The following RIN2 variants were observed in gnomAD, a reference collection of about 807,000 sequenced individuals.
RIN2 encodes the protein RAB5 interacting protein 2.
A neutral mutation model predicts 78.0 loss-of-function variants in RIN2; 36 were observed. That is an observed-to-expected ratio of 0.46 (90% CI 0.35 to 0.61). The LOEUF is 0.61. RIN2 is among the 20% of genes least tolerant of loss of function. The pLI is 0.00. For synonymous variants in RIN2, 466 were observed against 466.8 expected (o/e 1.00, Z 0.02); for missense variants, 1,087 against 1,159.7 (o/e 0.94, Z 0.91).
Position 19,902,339 on chromosome 20 carries a change from C to T in RIN2, c.57+12681C>T, listed in dbSNP as rs2039024982. 2.0e-5 allele frequency among the ~76,000 whole-genome samples: 3 copies of T among 152,130 alleles called. No homozygotes were observed. The South Asian group carries it at 6.2e-4, about 31-fold the overall frequency. ...ATGAGACTCAGGCAGTCTCTCCTCC[C>T]ACCACCTTCCATGGAGTGCTCCCTG... On this transcript the variant is annotated intron_variant, in intron 3 of 12. Coordinates refer to ENST00000255006, the MANE Select transcript of RIN2 (RefSeq NM_018993.4).
chr20:19,760,175 G>C (rs918371450), intron 1 of RIN2, among the ~76,000 whole-genome samples: 3 of 152,234 alleles, frequency 2.0e-5, no homozygotes, highest in Non-Finnish European at 4.4e-5. Flanking sequence ...CCTCCAGAGA[G>C]AGCATCACAG....
chr20:19,778,311 CAGA>C (rs1693680581), intron 1 of RIN2, among the ~76,000 whole-genome samples: 1 of 152,206 alleles, frequency 6.6e-6, no homozygotes, highest in African/African-American at 2.4e-5. Context: ...CCCAATTTTA[CAGA>C]AGGAGACACT....
At chr20:19,880,172 A>G (rs966291335) in intron 2 of RIN2, among the ~76,000 whole-genome samples, 1 of 151,456 alleles carries the variant, frequency 6.6e-6, no homozygotes, top group Non-Finnish European at 1.5e-5. Flanking sequence ...CAATTGATGA[A>G]CCAGGAAGGT....
At chr20:19,969,249 G>A (rs1052605553) in intron 7 of RIN2, among the ~76,000 whole-genome samples, 17 of 152,112 alleles carry the variant, frequency 1.1e-4, no homozygotes, top group Admixed American at 2.0e-4. Flanking sequence ...CATTATTCTC[G>A]TCAGTGGAAA....
chr20:19,959,291 C>A (rs2041660950), intron 5 of RIN2, among the ~76,000 whole-genome samples: 1 of 150,978 alleles, frequency 6.6e-6, no homozygotes, highest in Non-Finnish European at 1.5e-5. Flanking sequence ...GTTGCACTCC[C>A]CAACCCCAAG....
intron 10 of RIN2, 87 bp downstream of exon 10, chr20:19,990,398 A>G (rs2042762864): frequency 2.3e-6 from 3 of 1,294,090 alleles, no homozygotes; most frequent in Non-Finnish European, 2.1e-6. Flanking sequence ...CTGATTCCCA[A>G]TTTCTCCTCC....
chr20:19,882,711 C>T (rs1384020439), intron 2 of RIN2, among the ~76,000 whole-genome samples: 1 of 152,078 alleles, frequency 6.6e-6, no homozygotes, highest in African/African-American at 2.4e-5. Context: ...TGGAGCTTTT[C>T]GAGTGAGGAG....
chr20:19,877,983 G>T (rs890166479), intron 2 of RIN2, among the ~76,000 whole-genome samples: 3 of 152,180 alleles, frequency 2.0e-5, no homozygotes, highest in Non-Finnish European at 2.9e-5. Flanking sequence ...TTATGCCAGT[G>T]CATTCTAGTC....
intron 3 of RIN2, among the ~76,000 whole-genome samples, chr20:19,900,456 C>T (rs1367014284): frequency 1.3e-5 from 2 of 151,720 alleles, no homozygotes; most frequent in Non-Finnish European, 2.9e-5. Flanking sequence ...GCACTCCAGC[C>T]TGGGCAACAG....
chr20:19,850,161 T>C (rs1269918338), intron 2 of RIN2, among the ~76,000 whole-genome samples: 1 of 152,214 alleles, frequency 6.6e-6, no homozygotes, highest in Non-Finnish European at 1.5e-5. Flanking sequence ...ACATCATAAA[T>C]TACTTTTCCC....
intron 3 of RIN2, among the ~76,000 whole-genome samples, chr20:19,916,477 G>A (rs948309321): frequency 6.6e-6 from 1 of 151,924 alleles, no homozygotes; most frequent in Non-Finnish European, 1.5e-5. Context: ...ATATTAGCTG[G>A]GCGTGGTGGC....
intron 7 of RIN2, among the ~76,000 whole-genome samples, chr20:19,966,731 C>T (rs986825938): frequency 1.3e-5 from 2 of 152,204 alleles, no homozygotes; most frequent in Admixed American, 6.5e-5. Flanking sequence ...CAGCGCTGCT[C>T]ACCAGCAGGA....
Position 19,996,859 on chromosome 20 carries a change from C to A in RIN2, c.2364+17C>A. 6.4e-7 allele frequency: 1 copy of A among 1,559,846 alleles called. No homozygotes were observed. Among genetic ancestry groups the A allele is most frequent in the Non-Finnish European group, 8.7e-7 (1 of 1,150,026 alleles). On this transcript the variant is annotated intron_variant, in intron 12 of 12. Transcript: ENST00000255006. The stretch of plus-strand genomic sequence containing the variant: ...GACTTCCAGGTGTGCAGCTGGCCAC[C>A]CCTTTGCTTCCTTCGTCCTCCAGGA...
chr20:19,854,361 G>A (rs950296160), intron 2 of RIN2, among the ~76,000 whole-genome samples: 44 of 152,334 alleles, frequency 2.9e-4, no homozygotes, highest in African/African-American at 7.2e-4. Flanking sequence ...TTGGCAATGC[G>A]GGCCCTTTTT....
At chr20:19,813,965 A>G (rs2035682354) in intron 2 of RIN2, among the ~76,000 whole-genome samples, 1 of 152,220 alleles carries the variant, frequency 6.6e-6, no homozygotes, top group Non-Finnish European at 1.5e-5. Flanking sequence ...TGCCTTCCAG[A>G]TGGGTAATTT....
intron 1 of RIN2, among the ~76,000 whole-genome samples, chr20:19,797,368 A>C (rs1461547632): frequency 6.6e-6 from 1 of 152,224 alleles, no homozygotes; most frequent in African/African-American, 2.4e-5. Context: ...AATTATATTC[A>C]TTTACATTCT....
chr20:19,777,549 G>C (rs891501730), intron 1 of RIN2, among the ~76,000 whole-genome samples: 4 of 152,354 alleles, frequency 2.6e-5, no homozygotes, highest in African/African-American at 9.6e-5. Flanking sequence ...GTCGCCTCAT[G>C]GTTCCAGGAA....
chr20:19,774,378 C>T (rs1000927065), intron 1 of RIN2, among the ~76,000 whole-genome samples: 1 of 152,070 alleles, frequency 6.6e-6, no homozygotes, highest in African/African-American at 2.4e-5. Flanking sequence ...GAACTGGGCA[C>T]ATAGTATTTT....
intron 3 of RIN2, among the ~76,000 whole-genome samples, chr20:19,914,066 G>A (rs530664199): frequency 7.2e-5 from 11 of 152,292 alleles, no homozygotes; most frequent in Admixed American, 3.3e-4. Flanking sequence ...CAGAGTTTGC[G>A]GTCTAGGAGA....
Sources: gnomAD v4.1 joint callset for allele counts (sites outside exome capture counted in the v4.1 genomes callset) on GRCh38, gnomAD v4.1.1 for gene constraint, MANE v1.5 for transcripts, NCBI Gene and HGNC (gene_info 2026-07-23, HGNC 2026-07-21) for gene names.